The following CACNA2D2 variants were observed in gnomAD, a reference collection of about 807,000 sequenced individuals.
The protein encoded by CACNA2D2 is voltage-dependent calcium channel subunit alpha-2/delta-2.
In CACNA2D2, 48 loss-of-function variants were observed where a neutral mutation model predicts 166.4. The observed-to-expected ratio is 0.29, with a 90% CI of 0.23 to 0.37. CACNA2D2 has a LOEUF of 0.37. Ranked by LOEUF, CACNA2D2 falls within the 10% of genes least tolerant of loss-of-function variation. The probability of loss-of-function intolerance (pLI) is 1.00; values close to 1 mark genes in which losing one functional copy is unlikely to be tolerated. For synonymous variants in CACNA2D2, 561 were observed against 573.7 expected (o/e 0.98, Z 0.32); for missense variants, 1,122 against 1,433.0 (o/e 0.78, Z 3.50).
At position 50,394,173 on chromosome 3, in the gene CACNA2D2, G is replaced by C. The variant is rs373809433; in HGVS notation, c.406-5C>G. The C allele has an allele frequency of 1.2e-6, 2 of 1,613,854 alleles. No homozygotes were observed. Among genetic ancestry groups the C allele is most frequent in the Non-Finnish European group, 8.5e-7 (1 of 1,179,762 alleles). ...CTCTGCAGCATCAGCCAGTCTCTGA[G>C]GGACAGAGCACAGGGAGGTCAGAAG... is the stretch of plus-strand genomic sequence containing the variant. On this transcript the variant is annotated splice_region_variant and splice_polypyrimidine_tract_variant and intron_variant, in intron 3 of 37. Coordinates refer to ENST00000424201, the MANE Select transcript of CACNA2D2 (RefSeq NM_006030.4).
rs989817851 is a variant in CACNA2D2 at position 50,368,246 on chromosome 3, G to A, written c.2046-11C>T. 1 of 1,565,302 alleles carries A rather than the reference G, an allele frequency of 6.4e-7. No homozygotes were observed. The highest frequency in any genetic ancestry group is 1.4e-5 in the African/African-American group (1 of 74,044). ...TCCTTGCAGTACTCTCTAGGGATGG[G>A]GAGGGGCAAGAAGAGTGGGCTTGGG... On this transcript the variant is annotated splice_polypyrimidine_tract_variant and intron_variant, in intron 23 of 37. Coordinates refer to ENST00000424201, the MANE Select transcript of CACNA2D2 (RefSeq NM_006030.4).
At chr3:50,422,358 G>A (rs565979716) in intron 3 of CACNA2D2, among the ~76,000 whole-genome samples, 7 of 152,174 alleles carry the variant, frequency 4.6e-5, no homozygotes, top group Non-Finnish European at 1.0e-4. Context: ...GTTGCCACAG[G>A]CTGTTCCCTT....
chr3:50,370,195 A>G (rs1704577837), intron 23 of CACNA2D2, 125 bp downstream of exon 23: 4 of 691,570 alleles, frequency 5.8e-6, no homozygotes. Context: ...CGGGCGATGT[A>G]TGGGGGCCGG....
chr3:50,441,740 T>G (rs1456454466), intron 2 of CACNA2D2, among the ~76,000 whole-genome samples: 1 of 152,254 alleles, frequency 6.6e-6, no homozygotes, highest in Non-Finnish European at 1.5e-5. Flanking sequence ...AGGCCTGACT[T>G]GAGGCCTCCA....
chr3:50,410,424 C>G (rs1311108161), intron 3 of CACNA2D2, among the ~76,000 whole-genome samples: 1 of 152,276 alleles, frequency 6.6e-6, no homozygotes, highest in East Asian at 1.9e-4. Flanking sequence ...AGCATGCTCA[C>G]TACCTTGGGG....
chr3:50,382,251 C>G (rs915550890), intron 6 of CACNA2D2, among the ~76,000 whole-genome samples: 1 of 152,196 alleles, frequency 6.6e-6, no homozygotes. Context: ...CTTCCTCCTT[C>G]AGGGACCCCC....
At chr3:50,396,252 C>T (rs2106739683) in intron 3 of CACNA2D2, among the ~76,000 whole-genome samples, 1 of 152,228 alleles carries the variant, frequency 6.6e-6, no homozygotes, top group African/African-American at 2.4e-5. Flanking sequence ...ACCCCAGCAT[C>T]CCTCACACCA....
At chr3:50,491,207 A>G (rs1253268976) in intron 1 of CACNA2D2, among the ~76,000 whole-genome samples, 2 of 152,224 alleles carry the variant, frequency 1.3e-5, no homozygotes, top group African/African-American at 4.8e-5. Flanking sequence ...GACAGAACAG[A>G]GATGACAGTT....
chr3:50,473,011 C>T (rs527411246), intron 2 of CACNA2D2, among the ~76,000 whole-genome samples: 5 of 152,154 alleles, frequency 3.3e-5, no homozygotes, highest in African/African-American at 4.8e-5. Flanking sequence ...GAGTGGGCCA[C>T]GGGTTGGGGG....
chr3:50,419,352 G>A (rs974302204), intron 3 of CACNA2D2, among the ~76,000 whole-genome samples: 2 of 152,142 alleles, frequency 1.3e-5, no homozygotes, highest in Non-Finnish European at 2.9e-5. Context: ...GCTGCCTGAG[G>A]TCAAGGACCT....
intron 5 of CACNA2D2, among the ~76,000 whole-genome samples, chr3:50,385,677 C>A (rs1022586419): frequency 2.6e-5 from 4 of 152,216 alleles, no homozygotes; most frequent in Admixed American, 2.6e-4. Flanking sequence ...CCGCAGTGTG[C>A]CACCCATCTG....
chr3:50,447,511 C>T (rs749091179), intron 2 of CACNA2D2, among the ~76,000 whole-genome samples: 16 of 152,136 alleles, frequency 1.1e-4, no homozygotes, highest in Non-Finnish European at 2.2e-4. Context: ...GGCAGCTCTA[C>T]TTCCTCCTTA....
In CACNA2D2 at chr3:50,427,041, T is replaced by C. The variant is rs1244181630; in HGVS notation, c.405+7272A>G. Among the ~76,000 whole-genome samples, 1 of 152,158 alleles carries C rather than the reference T, an allele frequency of 6.6e-6. No individual in the cohort carries two copies. The highest frequency in any genetic ancestry group is 1.5e-5 in the Non-Finnish European group (1 of 68,008). On this transcript the variant is annotated intron_variant, in intron 3 of 37. Transcript: ENST00000424201. The surrounding 1 kb of genome is among the most constrained non-coding windows in gnomAD (Gnocchi z 4.7). ...GCAGGGGAGGCCGTCCCCACACTCA[T>C]GTCCAGCTGTTGGGGGTAGCGTCTT...
intron 2 of CACNA2D2, among the ~76,000 whole-genome samples, chr3:50,446,924 T>C (rs1708875137): frequency 2.0e-5 from 3 of 152,162 alleles, no homozygotes; most frequent in African/African-American, 7.2e-5. Context: ...GACCCTAGGC[T>C]ACAGGTGCAT....
chr3:50,484,489 C>T (rs1559995070), intron 1 of CACNA2D2, among the ~76,000 whole-genome samples: 4 of 152,286 alleles, frequency 2.6e-5, no homozygotes, highest in South Asian at 2.1e-4. Flanking sequence ...CCTCACCCCT[C>T]GGTGTGGCCT....
chr3:50,423,989 A>G (rs1707691374), intron 3 of CACNA2D2, among the ~76,000 whole-genome samples: 1 of 152,218 alleles, frequency 6.6e-6, no homozygotes, highest in African/African-American at 2.4e-5. Flanking sequence ...ATACCCCCAG[A>G]AGCATCCCTC....
In CACNA2D2 at chr3:50,377,799, A is replaced by C; in HGVS notation, c.1484T>G (p.Leu495Arg). Residue 495 changes from leucine (L) to arginine (R), a missense_variant, in exon 16 of 38, where the codon CTG (leucine) becomes CGG (arginine). Physicochemically the swap from Leu to Arg is moderately radical, Grantham distance 102. Coordinates refer to ENST00000424201, the MANE Select transcript of CACNA2D2 (RefSeq NM_006030.4). ...GAGGGTCCCTGTTACCACCAACCCC[A>C]GTCCCTGAAGGGAGAGGAAGATGAT... is the stretch of plus-strand genomic sequence containing the variant. ...WTNVYEDALG[L>R]GLVVTGTLPV... is the part of the protein sequence containing the mutation. The C allele has an allele frequency of 1.2e-6, 2 of 1,612,808 alleles. No individual in the cohort carries two copies. The highest frequency in any genetic ancestry group is 1.7e-6 in the Non-Finnish European group (2 of 1,179,480).
intron 4 of CACNA2D2, among the ~76,000 whole-genome samples, chr3:50,388,133 G>A (rs1203562085): frequency 6.6e-6 from 1 of 152,186 alleles, no homozygotes; most frequent in Admixed American, 6.5e-5. Flanking sequence ...CCCAGCCCTG[G>A]CGCCTGCCTC....
chr3:50,503,304 G>A lies in CACNA2D2; in HGVS notation c.120C>T (p.Pro40=), dbSNP rs907775113. 1.0e-4 allele frequency: 93 copies of A among 904,544 alleles called. No homozygotes were observed. The highest frequency in any genetic ancestry group is 1.3e-4 in the Non-Finnish European group (93 of 703,376). The allele number at this position is 904,544 out of a possible 1,614,324, so 56.0% of individuals were successfully genotyped here. ...GCAGCAGCAGCCACAGCGGGCGCGG[G>A]GGCCCGGACGTCGGGCGCCGGGTGC... is the stretch of plus-strand genomic sequence containing the variant. ...GPGTRRPTSG[P]PRPLWLLLPL... is the part of the protein sequence containing the mutation. Residue 40 remains proline (P), a synonymous_variant, in exon 1 of 38, where the codon CCC becomes CCT. Coordinates refer to ENST00000424201, the MANE Select transcript of CACNA2D2 (RefSeq NM_006030.4).
Sources: gnomAD v4.1 joint callset for allele counts (sites outside exome capture counted in the v4.1 genomes callset) on GRCh38, gnomAD v4.1.1 for gene constraint, Gnocchi (gnomAD v3.1) non-coding constraint, MANE v1.5 for transcripts, NCBI Gene and HGNC (gene_info 2026-07-23, HGNC 2026-07-21) for gene names.